CSMD1: variants seen among roughly 807,000 people sequenced by gnomAD.
CSMD1 encodes the protein CUB and sushi domain-containing protein 1.
A neutral mutation model predicts 417.5 loss-of-function variants in CSMD1; 213 were observed. The observed-to-expected ratio is 0.51, with a 90% CI of 0.46 to 0.57. The LOEUF (loss-of-function observed/expected upper bound fraction) is 0.57, where lower values mean the gene tolerates loss of function less well. Among genes scored for constraint, CSMD1 ranks in the 20% least tolerant of loss-of-function variants. The probability of loss-of-function intolerance (pLI) is 0.00; values close to 1 mark genes in which losing one functional copy is unlikely to be tolerated. For missense variants in CSMD1, 6,923 were observed against 4,529.7 expected (o/e 1.53, Z -15.17); for synonymous variants, 2,862 against 1,736.8 (o/e 1.65, Z -16.11).
intron 23 of CSMD1, among the ~76,000 whole-genome samples, chr8:3,313,862 A>C (rs1237254242): frequency 6.6e-6 from 1 of 152,250 alleles, no homozygotes; most frequent in East Asian, 1.9e-4. Flanking sequence ...AAAGATTTGG[A>C]ACCAACCCAA....
At position 3,151,386 on chromosome 8, in the gene CSMD1, T is replaced by C. The variant is rs190219185; in HGVS notation, c.6031+11A>G. On this transcript the variant is annotated intron_variant, in intron 40 of 69. Transcript: ENST00000635120. ...AATGAACTTTTAGGAATTGGTAACA[T>C]TTTCACTTACCATAGCCGATGGGTA... 2,991 of 1,561,416 alleles carry C rather than the reference T, an allele frequency of 1.9e-3. 10 individuals are homozygous for C. Among genetic ancestry groups the C allele is most frequent in the Middle Eastern group, 2.4e-3 (14 of 5,952 alleles).
chr8:4,110,500 AT>A (rs1386785107), intron 3 of CSMD1, among the ~76,000 whole-genome samples: 1 of 152,074 alleles, frequency 6.6e-6, no homozygotes, highest in African/African-American at 2.4e-5. Flanking sequence ...TTCATATATT[AT>A]TTTCCCCTAG....
chr8:4,081,153 C>G (rs1800109447), intron 3 of CSMD1, among the ~76,000 whole-genome samples: 1 of 152,138 alleles, frequency 6.6e-6, no homozygotes, highest in African/African-American at 2.4e-5. Flanking sequence ...GACTTCCCAG[C>G]CTCCAGCATT....
intron 49 of CSMD1, among the ~76,000 whole-genome samples, chr8:3,075,128 T>A (rs1813563519): frequency 6.6e-6 from 1 of 152,116 alleles, no homozygotes. Flanking sequence ...CCCCTTCACC[T>A]TCTGCCATGA....
chr8:4,298,144 T>C (rs911051888), intron 3 of CSMD1, among the ~76,000 whole-genome samples: 9 of 152,142 alleles, frequency 5.9e-5, no homozygotes, highest in African/African-American at 2.2e-4. Context: ...TCAAAAATGG[T>C]ATAGAAGAAA....
chr8:4,853,004 C>T (rs1020173319), intron 1 of CSMD1, among the ~76,000 whole-genome samples: 2 of 152,154 alleles, frequency 1.3e-5, no homozygotes, highest in Admixed American at 6.5e-5. Context: ...CACTCAGATG[C>T]AGGCACATTA....
At chr8:3,959,779 G>T (rs943733231) in intron 5 of CSMD1, among the ~76,000 whole-genome samples, 1 of 152,090 alleles carries the variant, frequency 6.6e-6, no homozygotes, top group Admixed American at 6.5e-5. Context: ...TTTGTGATTG[G>T]AATAGCTGCA....
At chr8:4,235,847 C>A (rs1802014896) in intron 3 of CSMD1, among the ~76,000 whole-genome samples, 1 of 152,138 alleles carries the variant, frequency 6.6e-6, no homozygotes, top group African/African-American at 2.4e-5. Flanking sequence ...AGACATCCTG[C>A]CATCCTTTGA....
At chr8:3,384,755 TA>T (rs1394389436) in intron 18 of CSMD1, among the ~76,000 whole-genome samples, 1 of 125,978 alleles carries the variant, frequency 7.9e-6, no homozygotes, top group Non-Finnish European at 1.6e-5. Flanking sequence ...TATATTTATA[TA>T]AATTATATAA....
chr8:4,026,535 C>T (rs939374656), intron 4 of CSMD1, among the ~76,000 whole-genome samples: 4 of 152,118 alleles, frequency 2.6e-5, no homozygotes, highest in Admixed American at 2.0e-4. Flanking sequence ...AAGCAATAAA[C>T]AATGAAGGAA....
At chr8:3,009,051 G>T (rs1024950366) in intron 52 of CSMD1, among the ~76,000 whole-genome samples, 2 of 152,170 alleles carry the variant, frequency 1.3e-5, no homozygotes, top group Admixed American at 1.3e-4. Context: ...ATATACCAGT[G>T]GGAATGTTGC....
chr8:4,034,431 A>G (rs1585174716), intron 3 of CSMD1, among the ~76,000 whole-genome samples: 1 of 152,184 alleles, frequency 6.6e-6, no homozygotes, highest in South Asian at 2.1e-4. Context: ...GTCTGCAATC[A>G]TTTTTGTCTT....
rs541478095 is a variant in CSMD1 at position 3,004,744 on chromosome 8, C to A, written c.8030-4613G>T. Among the ~76,000 whole-genome samples, 6 of 152,286 alleles carry A rather than the reference C, an allele frequency of 3.9e-5. No individual in the cohort carries two copies. The East Asian group carries it at 1.2e-3, about 29-fold the overall frequency. On this transcript the variant is annotated intron_variant, in intron 52 of 69. Transcript: ENST00000635120. ...ACTGTGGACAGGGTAATTCACCAAC[C>A]ACTTAAAATGGTTGAGAGAACCAGT...
At chr8:3,156,047 G>A (rs750901025) in intron 39 of CSMD1, among the ~76,000 whole-genome samples, 4 of 152,170 alleles carry the variant, frequency 2.6e-5, no homozygotes, top group Admixed American at 6.5e-5. Context: ...TAATTACCTC[G>A]CTTTACTTGT....
At chr8:4,227,951 G>A (rs911531748) in intron 3 of CSMD1, among the ~76,000 whole-genome samples, 1 of 146,490 alleles carries the variant, frequency 6.8e-6, no homozygotes, top group East Asian at 2.1e-4. Flanking sequence ...CCTCCATCCT[G>A]CATTCAATCC....
chr8:4,143,713 G>T (rs1803938125), intron 3 of CSMD1, among the ~76,000 whole-genome samples: 1 of 151,000 alleles, frequency 6.6e-6, no homozygotes, highest in Admixed American at 6.6e-5. Flanking sequence ...AGTAACAAAG[G>T]AAAGAAACAT....
At position 2,971,144 on chromosome 8, in the gene CSMD1, T is replaced by A. The variant is rs539081721; in HGVS notation, c.8923+1973A>T. The stretch of plus-strand genomic sequence containing the variant: ...ATTATTAAAAGAATGAAATGTAACT[T>A]TGATGCAATGTTGTCTCATACACAC... On this transcript the variant is annotated intron_variant, in intron 57 of 69. Transcript: ENST00000635120. 2.0e-5 allele frequency among the ~76,000 whole-genome samples: 3 copies of A among 152,348 alleles called. No homozygotes were observed. In the East Asian group the frequency reaches 5.8e-4, roughly 29 times the overall value.
intron 3 of CSMD1, among the ~76,000 whole-genome samples, chr8:4,387,366 T>A (rs1435780629): frequency 6.6e-6 from 1 of 152,052 alleles, no homozygotes; most frequent in Non-Finnish European, 1.5e-5. Flanking sequence ...AGTGCAAATT[T>A]CTTCTTATGT....
intron 1 of CSMD1, among the ~76,000 whole-genome samples, chr8:4,694,038 T>C (rs987005820): frequency 6.6e-6 from 1 of 152,304 alleles, no homozygotes; most frequent in African/African-American, 2.4e-5. Flanking sequence ...AAAGTCAAGC[T>C]GGGAACTGCT....
Sources: gnomAD v4.1 joint callset for allele counts (sites outside exome capture counted in the v4.1 genomes callset) on GRCh38, gnomAD v4.1.1 for gene constraint, MANE v1.5 for transcripts, NCBI Gene and HGNC (gene_info 2026-07-23, HGNC 2026-07-21) for gene names.